Variants in OAS1 observed in about 807,000 individuals in gnomAD.
The protein encoded by OAS1 is 2'-5'-oligoadenylate synthase 1.
A neutral mutation model predicts 38.5 loss-of-function variants in OAS1; 24 were observed. That is an observed-to-expected ratio of 0.62 (90% confidence interval 0.45 to 0.88). The LOEUF (loss-of-function observed/expected upper bound fraction) is 0.88. Ranked by LOEUF, OAS1 falls within the 40% of genes least tolerant of loss-of-function variation. The pLI is 0.00. For missense variants in OAS1, 482 were observed against 493.9 expected, an observed-to-expected ratio of 0.98 and a Z score of 0.23; for synonymous variants, 169 against 193.9, an observed-to-expected ratio of 0.87 and a Z score of 1.07.
chr12:112,911,321 A>G (rs2043380554), intron 3 of OAS1, 86 bp downstream of exon 3: 1 of 924,632 alleles, frequency 1.1e-6, no homozygotes, highest in Admixed American at 2.7e-5. Context: ...AAGGGAGTGA[A>G]GGGAAGAGGA....
In OAS1 at chr12:112,908,678, C is replaced by T. The variant is rs901918534; in HGVS notation, c.323C>T (p.Ala108Val). Residue 108 changes from alanine (A) to valine (V), a missense_variant, in exon 2 of 6, where the codon GCC becomes GTC. Ala to Val is a moderately conservative substitution (Grantham distance 64). Transcript: ENST00000202917. ...CAGGAAATTAGGAGACAGCTGGAAGCCTGTCAAAGAGAGAGAGCATTTTCC... is the reference window on the plus strand; with the variant it reads ...CAGGAAATTAGGAGACAGCTGGAAGTCTGTCAAAGAGAGAGAGCATTTTCC... ...FIQEIRRQLEACQRERAFSVK... is the reference protein window; with the variant it reads ...FIQEIRRQLEVCQRERAFSVK... 11 of 1,614,038 alleles carry T rather than the reference C, an allele frequency of 6.8e-6. No individual in the cohort carries two copies. Among genetic ancestry groups the T allele is most frequent in the Middle Eastern group, 1.6e-4 (1 of 6,084 alleles).
chr12:112,913,568 CT>C (rs1358779838), intron 3 of OAS1, among the ~76,000 whole-genome samples: 1 of 151,990 alleles, frequency 6.6e-6, no homozygotes, highest in Non-Finnish European at 1.5e-5. Context: ...ATGCTTTATT[CT>C]GAATAGTTCC....
Position 112,919,462 on chromosome 12 carries a change from A to T in OAS1, c.1112A>T (p.His371Leu). The change falls in exon 6 of 6, where the codon CAT becomes CTT. Residue 371 changes from histidine (H) to leucine (L), a missense_variant. Coordinates refer to ENST00000202917, the MANE Select transcript of OAS1 (RefSeq NM_016816.4). ...RYQKYGYIGT[H>L]EYPHFSHRPS... ...CAGAAATATGGTTACATTGGAACAC[A>T]TGAGTACCCTCATTTCTCTCATAGA... 2 of 1,614,038 alleles carry T rather than the reference A, an allele frequency of 1.2e-6. No individual in the cohort carries two copies. Among genetic ancestry groups the T allele is most frequent in the South Asian group, 1.1e-5 (1 of 90,960 alleles).
intron 1 of OAS1, 143 bp from the exon 2 acceptor site, chr12:112,908,393 T>G (rs2043325038): frequency 5.6e-6 from 4 of 711,960 alleles, no homozygotes; most frequent in South Asian, 4.2e-5. Flanking sequence ...ATAGCATCAT[T>G]GTGAGCATTA....
intron 2 of OAS1, 161 bp downstream of exon 2, chr12:112,908,985 C>T: frequency 1.5e-6 from 1 of 676,014 alleles, no homozygotes; most frequent in South Asian, 2.8e-5. Context: ...CATGATCTAT[C>T]ACAGGAGAGA....
At chr12:112,933,207 T>C (rs764914195), downstream of OAS1, 1 of 152,236 alleles carries the variant, frequency 6.6e-6, no homozygotes, top group Non-Finnish European at 1.5e-5. Flanking sequence ...AATAAAATCT[T>C]TTTTGAAAAT....
chr12:112,923,441 G>A (rs940750729), downstream of OAS1, among the ~76,000 whole-genome samples: 2 of 152,142 alleles, frequency 1.3e-5, no homozygotes. Context: ...TCGTGATTTT[G>A]ATTTGCACTT....
chr12:112,916,600 T>G lies in OAS1; in HGVS notation c.746T>G (p.Phe249Cys), dbSNP rs769235536. Residue 249 changes from phenylalanine (F) to cysteine (C), a missense_variant, in exon 4 of 6, where the codon TTC (phenylalanine) becomes TGC (cysteine). Phe to Cys is a radical substitution (Grantham distance 205, BLOSUM62 -2). Coordinates refer to ENST00000202917, the MANE Select transcript of OAS1 (RefSeq NM_016816.4). The part of the protein sequence containing the change: ...AWERGSMKTH[F>C]NTAQGFRTVL... The stretch of plus-strand genomic sequence containing the variant: ...GAGCGAGGGAGCATGAAAACACATT[T>G]CAACACAGCCCAGGGATTTCGGACG... The G allele has an allele frequency of 6.2e-7, 1 of 1,614,006 alleles. No individual in the cohort carries two copies. The highest frequency in any genetic ancestry group is 1.3e-5 in the African/African-American group (1 of 74,902).
chr12:112,926,796 G>A (rs984149067), intron 6 of OAS1, among the ~76,000 whole-genome samples: 1 of 152,174 alleles, frequency 6.6e-6, no homozygotes, highest in Non-Finnish European at 1.5e-5. Context: ...CCTAATCCTA[G>A]CAAGCCTGGG....
At position 112,906,973 on chromosome 12, in the gene OAS1, A is replaced by G. The variant is rs748897961; in HGVS notation, c.-67A>G. The G allele has an allele frequency of 2.6e-6, 4 of 1,548,796 alleles. No individual in the cohort carries two copies. Among genetic ancestry groups the G allele is most frequent in the Non-Finnish European group, 3.6e-6 (4 of 1,125,056 alleles). On this transcript the variant is annotated 5_prime_UTR_variant, in exon 1 of 6. Transcript: ENST00000202917. ...ACGAAACCAACAGCAGTCCAAGCTC[A>G]GTCAGCAGAAGAGATAAAAGCAAAC...
At chr12:112,909,763 T>C (rs2043350296) in intron 2 of OAS1, among the ~76,000 whole-genome samples, 1 of 152,214 alleles carries the variant, frequency 6.6e-6, no homozygotes, top group African/African-American at 2.4e-5. Flanking sequence ...GGACACGGAA[T>C]AGTTTAGATT....
rs775407400 is a variant in OAS1 at position 112,919,681 on chromosome 12, C to A, written c.*128C>A. 2 of 1,561,070 alleles carry A rather than the reference C, an allele frequency of 1.3e-6. No individual in the cohort carries two copies. Among genetic ancestry groups the A allele is most frequent in the Non-Finnish European group, 1.7e-6 (2 of 1,151,010 alleles). On this transcript the variant is annotated 3_prime_UTR_variant, in exon 6 of 6. Coordinates refer to ENST00000202917, the MANE Select transcript of OAS1 (RefSeq NM_016816.4). ...GCTGGTGTATAATCCAGGACAGAAC[C>A]CAGGTCTCCTGACTCCTGGCCTTCT...
intron 2 of OAS1, among the ~76,000 whole-genome samples, chr12:112,910,140 G>T (rs2043355416): frequency 6.6e-6 from 1 of 152,146 alleles, no homozygotes; most frequent in African/African-American, 2.4e-5. Flanking sequence ...GGCCAAAGTG[G>T]GGGGATCACT....
chr12:112,931,117 G>A (rs573813964), intron 6 of OAS1, among the ~76,000 whole-genome samples: 1 of 152,274 alleles, frequency 6.6e-6, no homozygotes, highest in Admixed American at 6.5e-5. Flanking sequence ...CATGCAGTCT[G>A]GAATTGTATT....
At chr12:112,926,548 TA>T (rs1346256481) in intron 6 of OAS1, among the ~76,000 whole-genome samples, 1 of 91,010 alleles carries the variant, frequency 1.1e-5, no homozygotes, top group Non-Finnish European at 2.0e-5. Context: ...AAGTTTTTAT[TA>T]GCAATCTTCA....
chr12:112,915,686 T>C (rs2043445248), intron 3 of OAS1, among the ~76,000 whole-genome samples: 1 of 152,206 alleles, frequency 6.6e-6, no homozygotes, highest in African/African-American at 2.4e-5. Flanking sequence ...GGGAATTGCA[T>C]TGAATTTGTA....
intron 6 of OAS1, among the ~76,000 whole-genome samples, chr12:112,925,773 G>A (rs1398736271): frequency 6.6e-6 from 1 of 152,164 alleles, no homozygotes; most frequent in East Asian, 1.9e-4. Flanking sequence ...GCAACAGAAT[G>A]CGACCCTGTC....
At chr12:112,911,296 G>T in intron 3 of OAS1, 61 bp downstream of exon 3, 1 of 1,367,820 alleles carries the variant, frequency 7.3e-7, no homozygotes, top group Non-Finnish European at 9.9e-7. Flanking sequence ...GGAGGGGTGG[G>T]GGGAGGAGAG....
rs770111680 is a variant in OAS1, at chr12:112,916,620, C to T, written c.766C>T (p.Arg256Trp). ...KTHFNTAQGF[R>W]TVLELVINYQ... is the part of the protein sequence containing the mutation. The stretch of plus-strand genomic sequence containing the variant: ...ACATTTCAACACAGCCCAGGGATTT[C>T]GGACGGTCTTGGAATTAGTCATAAA... The change falls in exon 4 of 6, where the codon CGG becomes TGG. Residue 256 changes from arginine to tryptophan, a missense_variant. Physicochemically the swap from Arg to Trp is moderately radical, Grantham distance 101 (BLOSUM62 -3). Transcript: ENST00000202917. 65 of 1,613,998 alleles carry T rather than the reference C, an allele frequency of 4.0e-5. No homozygotes were observed. The highest frequency in any genetic ancestry group is 2.8e-4 in the Admixed American group (17 of 59,990).
Sources: allele counts gnomAD v4.1 joint callset (sites outside exome capture counted in the v4.1 genomes callset), GRCh38; gene constraint gnomAD v4.1.1; transcripts MANE v1.5; gene names NCBI Gene and HGNC (gene_info 2026-07-23, HGNC 2026-07-21).